Variants in SLC44A5 observed in about 807,000 individuals in gnomAD.
The protein encoded by SLC44A5 is choline transporter-like protein 5.
In SLC44A5, 57 loss-of-function variants were observed where a neutral mutation model predicts 101.8. The ratio of observed to expected loss-of-function variants is 0.56; its 90% CI spans 0.45 to 0.70. The LOEUF (loss-of-function observed/expected upper bound fraction) is 0.70. Ranked by LOEUF, SLC44A5 falls within the 30% of genes least tolerant of loss-of-function variation. The pLI, the probability that SLC44A5 is intolerant of heterozygous loss-of-function variation, is 0.00. For missense variants in SLC44A5, 737 were observed against 853.1 expected (o/e 0.86, Z 1.70); for synonymous variants, 281 against 290.9 (o/e 0.97, Z 0.35).
At chr1:75,332,155 C>T (rs527377136) in intron 4 of SLC44A5, among the ~76,000 whole-genome samples, 2 of 152,270 alleles carry the variant, frequency 1.3e-5, no homozygotes, top group South Asian at 4.1e-4. Context: ...AAAAATGCCT[C>T]TTGTAATTTA....
chr1:75,622,495 A>C, the SLC44A5 span, among the ~76,000 whole-genome samples: 1 of 151,516 alleles, frequency 6.6e-6, no homozygotes, highest in Admixed American at 6.6e-5. Flanking sequence ...CTCCACAGAA[A>C]CCCCCCCAAA....
chr1:75,337,923 C>T (rs1325470981), intron 4 of SLC44A5, among the ~76,000 whole-genome samples: 1 of 152,180 alleles, frequency 6.6e-6, no homozygotes, highest in African/African-American at 2.4e-5. Context: ...ATGATGTAAG[C>T]ACAAGGTGTT....
the SLC44A5 span, chr1:75,642,015 A>G: frequency 6.9e-7 from 1 of 1,453,634 alleles, no homozygotes; most frequent in South Asian, 1.2e-5. Context: ...GCATGGTGGA[A>G]GAAATGTTGA....
chr1:75,587,250 C>T (rs1023783063), intron 1 of SLC44A5, among the ~76,000 whole-genome samples: 1 of 152,226 alleles, frequency 6.6e-6, no homozygotes, highest in Non-Finnish European at 1.5e-5. Context: ...AGGGTCCTAA[C>T]CCTTCTCCCA....
intron 5 of SLC44A5, among the ~76,000 whole-genome samples, chr1:75,280,714 A>T (rs575389859): frequency 3.2e-4 from 48 of 151,366 alleles, no homozygotes; most frequent in African/African-American, 1.1e-3. Context: ...ATAGTGAGTG[A>T]GTTCTCATGA....
At chr1:75,341,695 A>G (rs12038999) in intron 3 of SLC44A5, among the ~76,000 whole-genome samples, 47,033 of 151,824 alleles carry the variant, frequency 0.31, 8,877 homozygotes, top group East Asian at 0.82. Context: ...GGCTCCTAAC[A>G]CTCAGCTCTG....
At chr1:75,564,855 C>T (rs1672710238) in intron 1 of SLC44A5, among the ~76,000 whole-genome samples, 1 of 152,120 alleles carries the variant, frequency 6.6e-6, no homozygotes. Flanking sequence ...ATCTCCTGAC[C>T]TCATGATCCA....
chr1:75,688,845 A>G, the SLC44A5 span, among the ~76,000 whole-genome samples: 2 of 152,170 alleles, frequency 1.3e-5, no homozygotes, highest in East Asian at 1.9e-4. Flanking sequence ...GTCTCCTTGT[A>G]ATACTCCTAT....
intron 1 of SLC44A5, among the ~76,000 whole-genome samples, chr1:75,593,903 T>C (rs1674495692): frequency 6.6e-6 from 1 of 151,740 alleles, no homozygotes; most frequent in Non-Finnish European, 1.5e-5. Flanking sequence ...GAAGTGGGGA[T>C]AGTTAATAGG....
intron 6 of SLC44A5, among the ~76,000 whole-genome samples, chr1:75,269,924 A>G (rs1026052473): frequency 1.3e-5 from 2 of 152,176 alleles, no homozygotes; most frequent in African/African-American, 4.8e-5. Context: ...TGGTGGGGGC[A>G]GTTTCTCCCA....
chr1:75,460,343 A>C (rs1666431094), intron 2 of SLC44A5, among the ~76,000 whole-genome samples: 1 of 152,250 alleles, frequency 6.6e-6, no homozygotes, highest in South Asian at 2.1e-4. Flanking sequence ...CTACCAGTAC[A>C]GAAACTATGT....
chr1:75,629,277 T>C, the SLC44A5 span, among the ~76,000 whole-genome samples: 2 of 151,802 alleles, frequency 1.3e-5, no homozygotes, highest in Non-Finnish European at 2.9e-5. Context: ...AATGGGCAAA[T>C]ATGGAAAGGG....
In SLC44A5 at chr1:75,236,971, A is replaced by G. The variant is rs1570435849; in HGVS notation, c.740+16T>C. The G allele has an allele frequency of 7.1e-7, 1 of 1,406,570 alleles. No homozygotes were observed. Among genetic ancestry groups the G allele is most frequent in the Non-Finnish European group, 1.0e-6 (1 of 997,126 alleles). 87.1% of individuals were successfully genotyped at this position (1,406,570 alleles called of 1,614,324 possible). On this transcript the variant is annotated intron_variant, in intron 11 of 23. Coordinates refer to ENST00000370859, the MANE Select transcript of SLC44A5 (RefSeq NM_001130058.2). ...GAATGGGGCTGGAGAAGAAACATCT[A>G]TGTGTTTTCACTTACATGAGAATCC...
intron 2 of SLC44A5, among the ~76,000 whole-genome samples, chr1:75,404,155 G>T (rs1023853145): frequency 3.6e-4 from 54 of 152,002 alleles, no homozygotes; most frequent in African/African-American, 1.2e-3. Context: ...AGAGACAAAA[G>T]AATGAAGAGG....
intron 8 of SLC44A5, 91 bp from the exon 9 acceptor site, chr1:75,242,152 C>A: frequency 3.5e-6 from 3 of 857,898 alleles, no homozygotes; most frequent in Admixed American, 2.2e-5. Context: ...AAATTTAACT[C>A]CATAATAATC....
chr1:75,203,295 G>A lies in SLC44A5; in HGVS notation c.*432C>T, dbSNP rs1345203938. The A allele has an allele frequency of 1.3e-5, 2 of 152,446 alleles. No homozygotes were observed. The highest frequency in any genetic ancestry group is 6.5e-5 in the Admixed American group (1 of 15,272). The allele number at this position is 152,446 out of a possible 1,614,324, so 9.4% of individuals were successfully genotyped here. ...CTGATTTACTGTCCAACGAGAGTGG[G>A]AAAAACTTTAAAATTTTTAATTTCA... On this transcript the variant is annotated 3_prime_UTR_variant, in exon 24 of 24. Transcript: ENST00000370859.
intron 2 of SLC44A5, among the ~76,000 whole-genome samples, chr1:75,536,230 AT>A (rs1244402142): frequency 6.6e-6 from 1 of 152,174 alleles, no homozygotes; most frequent in Non-Finnish European, 1.5e-5. Context: ...CTTTTTAAAA[AT>A]AATCATAATA....
At chr1:75,266,532 A>G (rs1651007427) in intron 6 of SLC44A5, among the ~76,000 whole-genome samples, 1 of 152,206 alleles carries the variant, frequency 6.6e-6, no homozygotes, top group South Asian at 2.1e-4. Context: ...TTTAATAGAC[A>G]GTTGAACCTT....
intron 2 of SLC44A5, chr1:75,402,350 T>C: frequency 3.7e-6 from 1 of 269,072 alleles, no homozygotes; most frequent in Non-Finnish European, 8.1e-6. Flanking sequence ...CGGGGTTTTT[T>C]AAGAAACAGA....
Sources: gnomAD v4.1 joint callset for allele counts (sites outside exome capture counted in the v4.1 genomes callset) on GRCh38, gnomAD v4.1.1 for gene constraint, MANE v1.5 for transcripts, NCBI Gene and HGNC (gene_info 2026-07-23, HGNC 2026-07-21) for gene names.